The following TNFSF4 variants were observed in gnomAD, a reference collection of about 807,000 sequenced individuals.
TNFSF4 encodes tumor necrosis factor ligand superfamily member 4.
A neutral mutation model predicts 7.3 loss-of-function variants in TNFSF4; 4 were observed. The observed-to-expected ratio is 0.55, with a 90% CI of 0.27 to 1.25. The LOEUF (loss-of-function observed/expected upper bound fraction) is 1.25, where lower values mean the gene tolerates loss of function less well. TNFSF4 is among the 50% of genes most tolerant of loss of function. The pLI is 0.12. For missense variants in TNFSF4, 181 were observed against 208.8 expected, an observed-to-expected ratio of 0.87 and a Z score of 0.82; for synonymous variants, 76 against 83.7, an observed-to-expected ratio of 0.91 and a Z score of 0.50.
the TNFSF4 span, among the ~76,000 whole-genome samples, chr1:173,239,707 T>C: frequency 6.6e-6 from 1 of 152,150 alleles, no homozygotes; most frequent in African/African-American, 2.4e-5. Flanking sequence ...TTGTCCTCAC[T>C]GGGAGGAGTC....
chr1:173,263,416 T>C, the TNFSF4 span, among the ~76,000 whole-genome samples: 2 of 152,232 alleles, frequency 1.3e-5, no homozygotes, highest in Non-Finnish European at 2.9e-5. Flanking sequence ...TCTTTCTGAG[T>C]TATATCTGGA....
upstream of TNFSF4, among the ~76,000 whole-genome samples, chr1:173,210,730 G>T (rs1650346833): frequency 6.6e-6 from 1 of 152,136 alleles, no homozygotes; most frequent in Non-Finnish European, 1.5e-5. Context: ...AATTCTAGGG[G>T]GGGGAAAAGA....
chr1:173,220,446 T>A, the TNFSF4 span, among the ~76,000 whole-genome samples: 1 of 152,200 alleles, frequency 6.6e-6, no homozygotes, highest in Non-Finnish European at 1.5e-5. Context: ...TCTCTTAGAG[T>A]TTATATTCCT....
the TNFSF4 span, among the ~76,000 whole-genome samples, chr1:173,238,399 T>C: frequency 9.2e-5 from 14 of 152,006 alleles, no homozygotes; most frequent in African/African-American, 3.1e-4. Context: ...AATTGGCAAA[T>C]GGGACCCTAA....
chr1:173,279,587 T>G, the TNFSF4 span, among the ~76,000 whole-genome samples: 4 of 152,162 alleles, frequency 2.6e-5, no homozygotes, highest in Admixed American at 2.6e-4. Context: ...CATCATTATC[T>G]GCTCCTCTGT....
At chr1:173,262,263 T>C in the TNFSF4 span, among the ~76,000 whole-genome samples, 10 of 152,290 alleles carry the variant, frequency 6.6e-5, no homozygotes, top group South Asian at 8.3e-4. Context: ...AGAAAAGGCT[T>C]TCACTAAAAT....
chr1:173,247,463 G>A, the TNFSF4 span, among the ~76,000 whole-genome samples: 1 of 152,006 alleles, frequency 6.6e-6, no homozygotes, highest in Non-Finnish European at 1.5e-5. Context: ...GGGGGAACTG[G>A]GCCTACCCAA....
the TNFSF4 span, among the ~76,000 whole-genome samples, chr1:173,288,041 G>A: frequency 1.3e-5 from 2 of 152,146 alleles, no homozygotes; most frequent in East Asian, 3.9e-4. Flanking sequence ...CATGTGTAAT[G>A]TATACTCAAT....
the TNFSF4 span, among the ~76,000 whole-genome samples, chr1:173,245,807 T>A: frequency 1.3e-5 from 2 of 152,222 alleles, no homozygotes; most frequent in Non-Finnish European, 2.9e-5. Flanking sequence ...AGATCTACTT[T>A]TTTAGATTCC....
the TNFSF4 span, among the ~76,000 whole-genome samples, chr1:173,396,514 C>G: frequency 7.9e-5 from 12 of 151,978 alleles, no homozygotes; most frequent in Non-Finnish European, 1.8e-4. Context: ...TGCCTCAATA[C>G]AAAAAAATAC....
the TNFSF4 span, among the ~76,000 whole-genome samples, chr1:173,421,940 C>T: frequency 2.0e-5 from 3 of 152,208 alleles, no homozygotes; most frequent in East Asian, 5.8e-4. Flanking sequence ...CCATATCTTC[C>T]AGTATTTGAG....
At chr1:173,186,888 TG>T in intron 2 of TNFSF4, 23 bp from the exon 3 acceptor site, 1 of 1,505,652 alleles carries the variant, frequency 6.6e-7, no homozygotes, top group Non-Finnish European at 9.0e-7. Context: ...GGGGAAAATT[TG>T]TTTAATTAAT....
the TNFSF4 span, among the ~76,000 whole-genome samples, chr1:173,383,091 T>G: frequency 2.0e-5 from 3 of 152,296 alleles, no homozygotes; most frequent in African/African-American, 7.2e-5. Context: ...AGATGAAATC[T>G]TGTCATTCCA....
the TNFSF4 span, among the ~76,000 whole-genome samples, chr1:173,291,638 T>G: frequency 6.6e-6 from 1 of 151,460 alleles, no homozygotes; most frequent in African/African-American, 2.4e-5. Flanking sequence ...AGAAAAGAAG[T>G]AGCCAAAATC....
chr1:173,437,126 A>G, the TNFSF4 span, among the ~76,000 whole-genome samples: 1 of 152,312 alleles, frequency 6.6e-6, no homozygotes, highest in Admixed American at 6.5e-5. Context: ...AACACAATCC[A>G]TGACTCTGTA....
chr1:173,174,856 A>G, the TNFSF4 span, among the ~76,000 whole-genome samples: 3 of 152,336 alleles, frequency 2.0e-5, no homozygotes, highest in South Asian at 2.1e-4. Flanking sequence ...AGAATTTTCA[A>G]TAATGAAACA....
chr1:173,189,371 G>A (rs898957359), intron 1 of TNFSF4, among the ~76,000 whole-genome samples: 6 of 152,228 alleles, frequency 3.9e-5, no homozygotes, highest in Admixed American at 2.6e-4. Context: ...TCACTTTAAC[G>A]CAGGAGTAAA....
the TNFSF4 span, among the ~76,000 whole-genome samples, chr1:173,396,533 C>A: frequency 5.3e-5 from 8 of 152,012 alleles, no homozygotes; most frequent in African/African-American, 1.9e-4. Context: ...ACGGTTTGGG[C>A]AAATGGTGGA....
the TNFSF4 span, among the ~76,000 whole-genome samples, chr1:173,360,738 G>T: frequency 6.6e-6 from 1 of 152,196 alleles, no homozygotes; most frequent in Non-Finnish European, 1.5e-5. Flanking sequence ...TTCAGAGCAG[G>T]ACTCACTGTG....
Sources: gnomAD v4.1 joint callset for allele counts (sites outside exome capture counted in the v4.1 genomes callset) on GRCh38, gnomAD v4.1.1 for gene constraint, MANE v1.5 for transcripts, NCBI Gene and HGNC (gene_info 2026-07-23, HGNC 2026-07-21) for gene names.